Variants in CWH43 observed in about 807,000 individuals in gnomAD.
CWH43 encodes the protein PGAP2-interacting protein.
CWH43 carries 91 observed loss-of-function variants against 85.7 expected under a neutral mutation model. The observed-to-expected ratio is 1.06, with a 90% CI of 0.90 to 1.26. The LOEUF (loss-of-function observed/expected upper bound fraction) is 1.26. Among genes scored for constraint, CWH43 ranks in the 50% most tolerant of loss-of-function variants. The pLI is 0.00. For missense variants in CWH43, 869 were observed against 839.2 expected (o/e 1.04, Z -0.44); for synonymous variants, 323 against 293.6 (o/e 1.10, Z -1.02).
At position 49,003,678 on chromosome 4, in the gene CWH43, G is replaced by T. The variant is rs1783063632; in HGVS notation, c.803-57G>T. 3.2e-6 allele frequency: 5 copies of T among 1,582,096 alleles called. No homozygotes were observed. The East Asian group carries it at 1.1e-4, about 35-fold the overall frequency. ...GTTCTGGTCCTAAAGGCTATAAATT[G>T]GTCATCCTCTAAGCTCGACTGCTTT... On this transcript the variant is annotated intron_variant, in intron 6 of 15. Coordinates refer to ENST00000226432, the MANE Select transcript of CWH43 (RefSeq NM_025087.3).
In CWH43 at chr4:49,044,862, T is replaced by C; in HGVS notation, c.1865+15T>C. On this transcript the variant is annotated intron_variant, in intron 14 of 15. Coordinates refer to ENST00000226432, the MANE Select transcript of CWH43 (RefSeq NM_025087.3). Reference sequence around the variant, plus strand: ...GGGCTGATCAGGTGAGCACAGGGGTTTGATTTTGTTTTTAATCTATTATTA... The same window carrying C: ...GGGCTGATCAGGTGAGCACAGGGGTCTGATTTTGTTTTTAATCTATTATTA... 6.2e-7 allele frequency: 1 copy of C among 1,606,710 alleles called. No individual in the cohort carries two copies. Among genetic ancestry groups the C allele is most frequent in the Non-Finnish European group, 8.5e-7 (1 of 1,174,364 alleles).
At chr4:48,993,871 C>T (rs1310346794) in intron 4 of CWH43, among the ~76,000 whole-genome samples, 2 of 152,158 alleles carry the variant, frequency 1.3e-5, no homozygotes, top group Non-Finnish European at 2.9e-5. Context: ...TCTCCTGACT[C>T]AGCCTCCCGA....
intron 13 of CWH43, 53 bp downstream of exon 13, chr4:49,038,233 CT>C: frequency 7.0e-7 from 1 of 1,438,272 alleles, no homozygotes; most frequent in Non-Finnish European, 9.3e-7. Context: ...ATTTCTTTTT[CT>C]TTCATGTTTT....
intron 8 of CWH43, 79 bp downstream of exon 8, chr4:49,007,405 C>T (rs1783195248): frequency 7.5e-7 from 1 of 1,339,248 alleles, no homozygotes; most frequent in Non-Finnish European, 9.8e-7. Flanking sequence ...TATAATGATC[C>T]CTCATGTATC....
chr4:49,054,024 C>T (rs1784879795), intron 15 of CWH43, among the ~76,000 whole-genome samples: 2 of 152,212 alleles, frequency 1.3e-5, no homozygotes, highest in Middle Eastern at 6.8e-3. Flanking sequence ...TCGATAGAAT[C>T]CCATTTGTCT....
intron 3 of CWH43, 64 bp downstream of exon 3, chr4:48,991,638 G>A: frequency 6.4e-7 from 1 of 1,567,610 alleles, no homozygotes; most frequent in Non-Finnish European, 8.7e-7. Flanking sequence ...AGGGAAACCT[G>A]GGGCCAGGAG....
At chr4:49,024,579 T>A (rs1840631) in intron 9 of CWH43, among the ~76,000 whole-genome samples, 91,830 of 151,422 alleles carry the variant, frequency 0.61, 30,399 homozygotes, top group Middle Eastern at 0.78. Flanking sequence ...GTTTGTCTGT[T>A]AATGACTGTA....
At chr4:49,033,481 C>T (rs186785752) in intron 12 of CWH43, among the ~76,000 whole-genome samples, 77 of 152,278 alleles carry the variant, frequency 5.1e-4, no homozygotes, top group African/African-American at 1.8e-3. Context: ...GGAAAACAGC[C>T]TGTCTGCAAA....
intron 10 of CWH43, among the ~76,000 whole-genome samples, chr4:49,029,639 A>G (rs1784033053): frequency 2.6e-5 from 4 of 152,222 alleles, no homozygotes; most frequent in Non-Finnish European, 5.9e-5. Context: ...GTAAAATCCA[A>G]TTATACATTT....
chr4:49,061,258 G>C (rs1277084538), intron 15 of CWH43, among the ~76,000 whole-genome samples: 1 of 152,136 alleles, frequency 6.6e-6, no homozygotes, highest in African/African-American at 2.4e-5. Flanking sequence ...CAGGTCTCCT[G>C]TCTCTTACAT....
intron 14 of CWH43, among the ~76,000 whole-genome samples, chr4:49,047,964 G>C (rs1784679428): frequency 6.6e-6 from 1 of 152,196 alleles, no homozygotes; most frequent in African/African-American, 2.4e-5. Context: ...CAGATAGCTT[G>C]ACTATAATTT....
intron 9 of CWH43, among the ~76,000 whole-genome samples, chr4:49,017,874 C>T (rs530420228): frequency 6.6e-5 from 10 of 151,882 alleles, no homozygotes; most frequent in South Asian, 2.1e-4. Flanking sequence ...CTCACTCTGC[C>T]GCCCGGCTGG....
chr4:49,032,910 C>T (rs1784145281), intron 12 of CWH43, among the ~76,000 whole-genome samples, 195 bp downstream of exon 12: 2 of 152,120 alleles, frequency 1.3e-5, no homozygotes. Flanking sequence ...GGTGTAGGGA[C>T]AGGCCGTGTT....
chr4:49,061,676 C>A, intron 15 of CWH43, 136 bp from the exon 16 acceptor site: 1 of 735,472 alleles, frequency 1.4e-6, no homozygotes, highest in Non-Finnish European at 1.9e-6. Context: ...TTTTAGTTTG[C>A]CTTTCCTATA....
chr4:49,006,237 A>G (rs971580462), intron 7 of CWH43, among the ~76,000 whole-genome samples: 1 of 152,098 alleles, frequency 6.6e-6, no homozygotes, highest in Non-Finnish European at 1.5e-5. Flanking sequence ...TTGTTTCTTT[A>G]GAATTTTATG....
At chr4:49,003,506 A>G in intron 6 of CWH43, 1 of 482,760 alleles carries the variant, frequency 2.1e-6, no homozygotes, top group African/African-American at 2.0e-5. Flanking sequence ...CTGAGGAAAT[A>G]GCAGTGAACT....
At chr4:48,986,660 T>A (rs1782505047) in intron 1 of CWH43, 188 bp downstream of exon 1, 4 of 1,375,536 alleles carry the variant, frequency 2.9e-6, no homozygotes, top group Non-Finnish European at 3.7e-6. Context: ...AGACCTAGAT[T>A]GAAGTCTTCA....
intron 2 of CWH43, among the ~76,000 whole-genome samples, chr4:48,989,370 T>C (rs182016625): frequency 7.2e-5 from 11 of 152,330 alleles, no homozygotes; most frequent in Admixed American, 4.6e-4. Context: ...CATACATTGC[T>C]TGTGCGAGTG....
At chr4:49,036,546 T>C (rs1252944214) in intron 12 of CWH43, among the ~76,000 whole-genome samples, 1 of 152,224 alleles carries the variant, frequency 6.6e-6, no homozygotes, top group Non-Finnish European at 1.5e-5. Flanking sequence ...TTCTCAGTGC[T>C]TGGTGATCTT....
Sources: allele counts gnomAD v4.1 joint callset (sites outside exome capture counted in the v4.1 genomes callset), GRCh38; gene constraint gnomAD v4.1.1; transcripts MANE v1.5; gene names NCBI Gene and HGNC (gene_info 2026-07-23, HGNC 2026-07-21).